Variants in ARMC8 observed in about 807,000 individuals in gnomAD.
ARMC8 encodes the protein armadillo repeat containing 8, also known as armadillo repeat-containing protein 8.
ARMC8 carries 20 observed loss-of-function variants against 99.3 expected under a neutral mutation model. That is an observed-to-expected ratio of 0.20 (90% CI 0.14 to 0.29). The LOEUF (loss-of-function observed/expected upper bound fraction) is 0.29, where lower values mean the gene tolerates loss of function less well. Ranked by LOEUF, ARMC8 falls within the 10% of genes least tolerant of loss-of-function variation. ARMC8 has a pLI of 1.00. For synonymous variants in ARMC8, 263 were observed against 278.3 expected, an observed-to-expected ratio of 0.95 and a Z score of 0.55; for missense variants, 569 against 809.5, an observed-to-expected ratio of 0.70 and a Z score of 3.60.
At chr3:138,205,463 C>T (rs1276052796) in intron 1 of ARMC8, among the ~76,000 whole-genome samples, 5 of 152,196 alleles carry the variant, frequency 3.3e-5, no homozygotes, top group Non-Finnish European at 7.3e-5. Context: ...CAGCACTTAC[C>T]TGGAATCTGA....
intron 1 of ARMC8, chr3:138,188,542 A>G (rs2043203312): frequency 6.2e-7 from 1 of 1,613,968 alleles, no homozygotes; most frequent in Non-Finnish European, 8.5e-7. Flanking sequence ...TCAGTTTACC[A>G]ATGGTTCATT....
chr3:138,252,774 A>G (rs1249723385), intron 12 of ARMC8, among the ~76,000 whole-genome samples: 2 of 63,460 alleles, frequency 3.2e-5, no homozygotes, highest in Non-Finnish European at 5.9e-5. Flanking sequence ...CCCGGCCTAA[A>G]TAGAAACTCT....
intron 10 of ARMC8, among the ~76,000 whole-genome samples, chr3:138,241,555 A>G (rs1212757792): frequency 1.3e-5 from 2 of 152,202 alleles, no homozygotes; most frequent in Non-Finnish European, 2.9e-5. Flanking sequence ...GTATTAATAT[A>G]CTTTGACGTA....
intron 20 of ARMC8, 86 bp from the exon 21 acceptor site, chr3:138,290,460 C>A: frequency 1.0e-6 from 1 of 1,002,798 alleles, no homozygotes; most frequent in Non-Finnish European, 1.5e-6. Context: ...GTGAAGGACA[C>A]TGGTAAGGCT....
At chr3:138,209,399 A>T (rs929146525) in intron 1 of ARMC8, among the ~76,000 whole-genome samples, 1 of 152,172 alleles carries the variant, frequency 6.6e-6, no homozygotes, top group Admixed American at 6.5e-5. Flanking sequence ...TTTCAGACTA[A>T]TGTAATAAAG....
chr3:138,229,136 A>G (rs189794839), intron 6 of ARMC8, 126 bp downstream of exon 6: 1,530 of 39,868 alleles, frequency 0.038, 16 homozygotes, highest in African/African-American at 0.066. Context: ...GTGTGCGTGT[A>G]TATATATATA....
At chr3:138,275,623 A>G (rs2108317987) in intron 18 of ARMC8, among the ~76,000 whole-genome samples, 1 of 152,240 alleles carries the variant, frequency 6.6e-6, no homozygotes, top group East Asian at 1.9e-4. Context: ...AACTCGCCCA[A>G]GGTCATCAGT....
chr3:138,216,395 T>C (rs1187036899), intron 2 of ARMC8, among the ~76,000 whole-genome samples: 4 of 152,220 alleles, frequency 2.6e-5, no homozygotes, highest in Admixed American at 1.3e-4. Context: ...TTAGTTTGAA[T>C]AGTAGATCAT....
At chr3:138,188,384 T>G (rs2043194744) in intron 1 of ARMC8, 4 of 1,482,666 alleles carry the variant, frequency 2.7e-6, no homozygotes, top group Non-Finnish European at 3.6e-6. Flanking sequence ...ACCTGTTTTT[T>G]TTTTTTTTAA....
rs533386385 is a variant in ARMC8 at position 138,249,366 on chromosome 3, C to G, written c.1134+4183C>G. Among the ~76,000 whole-genome samples the G allele has an allele frequency of 4.0e-5, 6 of 151,656 alleles. No individual in the cohort carries two copies. In the South Asian group the frequency reaches 1.0e-3, roughly 26 times the overall value. ...CCCATTTTTTCAAGAGGCAGGCAATCCTGAGGGCTTGTCTTCTGCTTGCTT... is the reference window on the plus strand; with the variant it reads ...CCCATTTTTTCAAGAGGCAGGCAATGCTGAGGGCTTGTCTTCTGCTTGCTT... On this transcript the variant is annotated intron_variant, in intron 12 of 21. Transcript: ENST00000469044.
intron 1 of ARMC8, chr3:138,188,652 T>C: frequency 7.6e-7 from 1 of 1,320,970 alleles, no homozygotes; most frequent in Non-Finnish European, 1.1e-6. Flanking sequence ...ATAAATGACT[T>C]GTCGGGTTCC....
intron 18 of ARMC8, among the ~76,000 whole-genome samples, chr3:138,282,635 CAAAAAAAAAAAA>C (rs760470914): frequency 4.2e-5 from 2 of 47,512 alleles, no homozygotes; most frequent in African/African-American, 1.4e-4. Flanking sequence ...GACTCCATCT[CAAAAAAAAAAAA>C]AAAAAAAAGG....
At chr3:138,220,929 A>G (rs1028608982) in intron 2 of ARMC8, among the ~76,000 whole-genome samples, 3 of 152,084 alleles carry the variant, frequency 2.0e-5, no homozygotes, top group African/African-American at 7.2e-5. Context: ...AGTTCAAGCA[A>G]TCTGCCTGCC....
chr3:138,205,043 C>CTCTTT (rs1245757221), intron 1 of ARMC8, among the ~76,000 whole-genome samples: 27 of 143,808 alleles, frequency 1.9e-4, no homozygotes, highest in South Asian at 1.8e-3. Context: ...GCAACTCAGT[C>CTCTTT]TCTTTTCTTT....
intron 10 of ARMC8, among the ~76,000 whole-genome samples, chr3:138,240,067 G>C (rs2046535215): frequency 6.6e-6 from 1 of 152,082 alleles, no homozygotes; most frequent in Non-Finnish European, 1.5e-5. Context: ...CCTGGATTCT[G>C]GTTTTAGCAC....
Position 138,273,133 on chromosome 3 carries a change from A to G in ARMC8, c.1629+17A>G. ...ACTCGTCCTGTAAGTAAAATCACCC[A>G]GGCTTCCAAATTAGCTAGCCCTGCA... On this transcript the variant is annotated intron_variant, in intron 17 of 21. Transcript: ENST00000469044. The G allele has an allele frequency of 6.3e-7, 1 of 1,599,306 alleles. No individual in the cohort carries two copies.
intron 1 of ARMC8, among the ~76,000 whole-genome samples, chr3:138,205,661 G>A (rs536768097): frequency 2.6e-5 from 4 of 152,294 alleles, no homozygotes; most frequent in South Asian, 4.1e-4. Flanking sequence ...GTCAGGGCCA[G>A]GCATTGTGGC....
intron 18 of ARMC8, among the ~76,000 whole-genome samples, chr3:138,282,720 G>C (rs569374379): frequency 6.6e-6 from 1 of 151,434 alleles, no homozygotes; most frequent in Non-Finnish European, 1.5e-5. Flanking sequence ...TATAGGGAAA[G>C]CAACGATAAT....
rs62280651 is a variant in ARMC8 at position 138,215,408 on chromosome 3, G to A, written c.122+5515G>A. 2.1e-3 allele frequency among the ~76,000 whole-genome samples: 314 copies of A among 152,114 alleles called. 1 individual carries two copies. Among genetic ancestry groups the A allele is most frequent in the Non-Finnish European group, 3.7e-3 (249 of 68,000 alleles). On this transcript the variant is annotated intron_variant, in intron 2 of 21. Coordinates refer to ENST00000469044, the MANE Select transcript of ARMC8 (RefSeq NM_001363941.2). ...ATTTTTTGTATTTTTAGTAGAGACG[G>A]GGTTTCACCGTGTTAACCAGGATGG...
Sources: allele counts gnomAD v4.1 joint callset (sites outside exome capture counted in the v4.1 genomes callset), GRCh38; gene constraint gnomAD v4.1.1; transcripts MANE v1.5; gene names NCBI Gene and HGNC (gene_info 2026-07-23, HGNC 2026-07-21).